The following SLC2A13 variants were observed in gnomAD, a reference collection of about 807,000 sequenced individuals.
SLC2A13 encodes the protein solute carrier family 2 member 13, also known as proton myo-inositol cotransporter.
Under a neutral mutation model 64.4 loss-of-function variants are expected in SLC2A13, and 32 were observed. The ratio of observed to expected loss-of-function variants is 0.50; its 90% CI spans 0.37 to 0.67. SLC2A13 has a LOEUF of 0.67. Ranked by LOEUF, SLC2A13 falls within the 30% of genes least tolerant of loss-of-function variation. The probability of loss-of-function intolerance (pLI) is 0.00; values close to 1 mark genes in which losing one functional copy is unlikely to be tolerated. For missense variants in SLC2A13, 743 were observed against 829.2 expected, an observed-to-expected ratio of 0.90 and a Z score of 1.28; for synonymous variants, 338 against 327.1, an observed-to-expected ratio of 1.03 and a Z score of -0.36.
intron 2 of SLC2A13, among the ~76,000 whole-genome samples, chr12:40,041,280 C>T (rs1486209207): frequency 6.6e-6 from 1 of 152,066 alleles, no homozygotes; most frequent in Non-Finnish European, 1.5e-5. Context: ...CCACTTCACC[C>T]CCAAACTCCC....
At chr12:40,027,224 T>C (rs1947827616) in intron 3 of SLC2A13, among the ~76,000 whole-genome samples, 1 of 152,224 alleles carries the variant, frequency 6.6e-6, no homozygotes. Flanking sequence ...GTAAAACTTT[T>C]TGTTAAAGCA....
intron 4 of SLC2A13, among the ~76,000 whole-genome samples, chr12:39,883,870 C>A (rs1944404731): frequency 6.6e-6 from 1 of 152,162 alleles, no homozygotes; most frequent in African/African-American, 2.4e-5. Flanking sequence ...AACAGCAAAA[C>A]ACGGAAGTAT....
chr12:39,871,840 C>T lies in SLC2A13; in HGVS notation c.1156G>A (p.Glu386Lys). Residue 386 changes from glutamate to lysine, a missense_variant, in exon 5 of 10, where the codon GAG (glutamate) becomes AAG (lysine). Glu to Lys is a moderately conservative substitution (Grantham distance 56, BLOSUM62 1). Coordinates refer to ENST00000280871, the MANE Select transcript of SLC2A13 (RefSeq NM_052885.4). ...IFTLVGVWLV[E>K]KVGRRKLTFG... ...GTAAGCTTTCTGCGGCCCACCTTCT[C>T]AACAAGCCAGACTCCCACAAGTGTG... 6.2e-7 allele frequency: 1 copy of T among 1,612,624 alleles called. No individual in the cohort carries two copies. The highest frequency in any genetic ancestry group is 8.5e-7 in the Non-Finnish European group (1 of 1,179,398).
At chr12:39,787,015 T>C (rs1199180459) in intron 7 of SLC2A13, among the ~76,000 whole-genome samples, 1 of 152,176 alleles carries the variant, frequency 6.6e-6, no homozygotes, top group Non-Finnish European at 1.5e-5. Context: ...ATAAATAGCA[T>C]TGAAGTTCTG....
rs143501114 is a variant in SLC2A13, at chr12:39,781,854, G to A, written c.1446-16996C>T. ...TCATATACGGCCCTCACATACCCTG[G>A]AGGAAGGGATTTAGGACATTTGCCT... On this transcript the variant is annotated intron_variant, in intron 7 of 9. Transcript: ENST00000280871. Among the ~76,000 whole-genome samples the A allele has an allele frequency of 2.1e-3, 315 of 152,300 alleles. 6 individuals carry two copies. The highest frequency in any genetic ancestry group is 0.018 in the Admixed American group (280 of 15,298).
At chr12:39,815,552 GAAC>G (rs1942316192) in intron 7 of SLC2A13, among the ~76,000 whole-genome samples, 1 of 152,162 alleles carries the variant, frequency 6.6e-6, no homozygotes, top group South Asian at 2.1e-4. Flanking sequence ...CTGGCAGAGA[GAAC>G]AACATTATCC....
At chr12:40,087,197 T>C (rs886818167) in intron 1 of SLC2A13, among the ~76,000 whole-genome samples, 2 of 152,202 alleles carry the variant, frequency 1.3e-5, no homozygotes, top group Non-Finnish European at 2.9e-5. Context: ...ATTTTTAAAA[T>C]AAAGGTAATC....
chr12:40,007,948 T>C (rs1238052868), intron 3 of SLC2A13, among the ~76,000 whole-genome samples: 2 of 152,114 alleles, frequency 1.3e-5, no homozygotes, highest in African/African-American at 4.8e-5. Flanking sequence ...ATACAATGGG[T>C]TTTACGGGAA....
intron 6 of SLC2A13, among the ~76,000 whole-genome samples, chr12:39,838,735 T>C (rs1037401469): frequency 1.3e-5 from 2 of 152,090 alleles, no homozygotes; most frequent in African/African-American, 4.8e-5. Flanking sequence ...CTTGGCCAAA[T>C]GTGCTCTCAG....
intron 7 of SLC2A13, among the ~76,000 whole-genome samples, chr12:39,808,456 A>C (rs1942046674): frequency 6.6e-6 from 1 of 152,124 alleles, no homozygotes; most frequent in Non-Finnish European, 1.5e-5. Flanking sequence ...ATTTGACTAA[A>C]TGTGTCATAA....
At chr12:40,084,830 T>C (rs1420974956) in intron 1 of SLC2A13, among the ~76,000 whole-genome samples, 56 of 152,234 alleles carry the variant, frequency 3.7e-4, no homozygotes, top group Admixed American at 1.3e-3. Flanking sequence ...CTCTGCAAAG[T>C]GATGTCTTTT....
At chr12:39,970,158 T>C (rs1946617008) in intron 3 of SLC2A13, among the ~76,000 whole-genome samples, 1 of 152,230 alleles carries the variant, frequency 6.6e-6, no homozygotes, top group African/African-American at 2.4e-5. Context: ...CGTTGATCTA[T>C]ATCTCTGTTT....
At chr12:39,764,415 G>A (rs1940274217) in intron 9 of SLC2A13, 45 bp downstream of exon 9, 1 of 1,453,438 alleles carries the variant, frequency 6.9e-7, no homozygotes. Flanking sequence ...TAAAAATAGT[G>A]ATAAAAATAA....
chr12:40,022,735 G>A (rs1947740949), intron 3 of SLC2A13, among the ~76,000 whole-genome samples: 1 of 152,104 alleles, frequency 6.6e-6, no homozygotes, highest in Non-Finnish European at 1.5e-5. Flanking sequence ...CTACTGGGGA[G>A]GCTGAGGCAG....
In SLC2A13 at chr12:39,799,254, CTTTTTTTT is replaced by C. The variant is rs377069679; in HGVS notation, c.1445+30841_1445+30848del. Among the ~76,000 whole-genome samples the C allele has an allele frequency of 9.8e-4, 111 of 113,264 alleles. 1 individual carries two copies. The highest frequency in any genetic ancestry group is 4.2e-3 in the East Asian group (17 of 4,056). 74.3% of individuals were successfully genotyped at this position (113,264 alleles called of 152,430 possible). A position where few individuals can be genotyped will look rare whatever the true frequency, so the allele number is the denominator to read the frequency against. ...ACAGGCATGTGCCACTATGCTTAGC[CTTTTTTTT>C]TTTTTTTTTTTTTTTTCCTGTGCTT... is the stretch of plus-strand genomic sequence containing the variant. On this transcript the variant is annotated intron_variant, in intron 7 of 9. Coordinates refer to ENST00000280871, the MANE Select transcript of SLC2A13 (RefSeq NM_052885.4).
chr12:40,004,145 T>TA (rs1459969666), intron 3 of SLC2A13, among the ~76,000 whole-genome samples: 33 of 152,162 alleles, frequency 2.2e-4, no homozygotes, highest in Non-Finnish European at 4.3e-4. Flanking sequence ...TTCAAGTATA[T>TA]GGGAAGATGT....
chr12:39,789,018 G>C (rs774693050), intron 7 of SLC2A13, among the ~76,000 whole-genome samples: 2 of 152,078 alleles, frequency 1.3e-5, no homozygotes, highest in African/African-American at 2.4e-5. Context: ...ACTTATTAAA[G>C]TCTGTTATAC....
At chr12:39,767,210 G>C (rs765653526) in intron 7 of SLC2A13, among the ~76,000 whole-genome samples, 20 of 152,090 alleles carry the variant, frequency 1.3e-4, no homozygotes, top group South Asian at 1.2e-3. Context: ...TGTGTTAGCA[G>C]GTATGAAAAC....
intron 4 of SLC2A13, among the ~76,000 whole-genome samples, chr12:39,896,433 TATAC>T (rs1353627978): frequency 6.9e-6 from 1 of 144,672 alleles, no homozygotes; most frequent in Admixed American, 7.1e-5. Context: ...TGTATATATG[TATAC>T]ATATATGTAT....
Sources: allele counts gnomAD v4.1 joint callset (sites outside exome capture counted in the v4.1 genomes callset), GRCh38; gene constraint gnomAD v4.1.1; transcripts MANE v1.5; gene names NCBI Gene and HGNC (gene_info 2026-07-23, HGNC 2026-07-21).